Variants in PRODH2 observed in about 807,000 individuals in gnomAD.
The protein encoded by PRODH2 is hydroxyproline dehydrogenase.
Under a neutral mutation model 51.9 loss-of-function variants are expected in PRODH2, and 49 were observed. The observed-to-expected ratio is 0.94, with a 90% CI of 0.75 to 1.20. The LOEUF is 1.20. Ranked by LOEUF, PRODH2 falls within the 50% of genes most tolerant of loss-of-function variation. The pLI is 0.00. For synonymous variants in PRODH2, 249 were observed against 260.7 expected (o/e 0.96, Z 0.43); for missense variants, 597 against 610.9 (o/e 0.98, Z 0.24).
At position 35,802,280 on chromosome 19, in the gene PRODH2, C is replaced by G. The variant is rs764406447; in HGVS notation, c.1113-4G>C. On this transcript the variant is annotated splice_polypyrimidine_tract_variant and splice_region_variant and intron_variant, in intron 8 of 9. Transcript: ENST00000653904. ...AGGAATGCCCAGCTCCCACATGCTACAGAAAAGGCCACATCATCAGTCCAG... is the reference window on the plus strand; with the variant it reads ...AGGAATGCCCAGCTCCCACATGCTAGAGAAAAGGCCACATCATCAGTCCAG... 4 of 1,614,068 alleles carry G rather than the reference C, an allele frequency of 2.5e-6. No homozygotes were observed. The Admixed American group carries it at 5.0e-5, about 20-fold the overall frequency.
In PRODH2 at chr19:35,809,107, T is replaced by TCTTCCTTCCTTC. The variant is rs3030903; in HGVS notation, c.598-1998_598-1987dup. Among the ~76,000 whole-genome samples, 9 of 149,936 alleles carry TCTTCCTTCCTTC rather than the reference T, an allele frequency of 6.0e-5. No individual in the cohort carries two copies. The East Asian group carries it at 1.4e-3, about 23-fold the overall frequency. On this transcript the variant is annotated intron_variant, in intron 4 of 9. Coordinates refer to ENST00000653904, the MANE Select transcript of PRODH2 (RefSeq NM_021232.2). ...TTTTTTCTTTCTTTCTTTATTTCTT[T>TCTTCCTTCCTTC]CTTCCTTCCTTCCTTCCTTCCTTTC...
rs747577253 is a variant in PRODH2, at chr19:35,812,242, A to G, written c.402T>C (p.Ala134=). The G allele has an allele frequency of 5.0e-6, 8 of 1,613,738 alleles. No homozygotes were observed. The highest frequency in any genetic ancestry group is 6.8e-6 in the Non-Finnish European group (8 of 1,180,002). The change falls in exon 3 of 10, where the codon GCT becomes GCC. Residue 134 remains alanine (A), a synonymous_variant. Transcript: ENST00000653904. ...GTGACAGGTCCACACACCGCAGCAT[A>G]GCACCGAGGTTCCCCTCATACCACG... ...GEAWYEGNLG[A]MLRCVDLSRG... is the part of the protein sequence containing the mutation.
chr19:35,802,984 G>T lies in PRODH2; in HGVS notation c.1096C>A (p.Arg366Ser), dbSNP rs1161544650. 2 of 1,562,950 alleles carry T rather than the reference G, an allele frequency of 1.3e-6. No individual in the cohort carries two copies. The highest frequency in any genetic ancestry group is 8.7e-7 in the Non-Finnish European group (1 of 1,148,320). The change falls in exon 8 of 10, where the codon CGC (arginine) becomes AGC (serine). Residue 366 changes from arginine to serine, a missense_variant. Physicochemically the swap from Arg to Ser is moderately radical, Grantham distance 110. Transcript: ENST00000653904. ...ACCTCATACCGCTTGGTTGCCTGGCGAACAGATTCCTCATTGTGGGAAGCC... is the reference window on the plus strand; with the variant it reads ...ACCTCATACCGCTTGGTTGCCTGGCTAACAGATTCCTCATTGTGGGAAGCC... ...MVASHNEESV[R>S]QATKRMWELG...
In PRODH2 at chr19:35,812,563, G is replaced by T; in HGVS notation, c.175-7C>A. ...GCCGAGACCAGGCCTGGAGCTGGGTGACAGGGAGCGAGGGCTCAGCGCCAG... is the reference window on the plus strand; with the variant it reads ...GCCGAGACCAGGCCTGGAGCTGGGTTACAGGGAGCGAGGGCTCAGCGCCAG... On this transcript the variant is annotated splice_region_variant and splice_polypyrimidine_tract_variant and intron_variant, in intron 1 of 9. Transcript: ENST00000653904. 1 of 1,612,802 alleles carries T rather than the reference G, an allele frequency of 6.2e-7. No homozygotes were observed. The highest frequency in any genetic ancestry group is 8.5e-7 in the Non-Finnish European group (1 of 1,179,144).
chr19:35,802,801 C>T (rs2146779375), intron 8 of PRODH2, among the ~76,000 whole-genome samples, 167 bp downstream of exon 8: 1 of 151,992 alleles, frequency 6.6e-6, no homozygotes, highest in Non-Finnish European at 1.5e-5. Context: ...TCCACCTTCG[C>T]CTCCCAAAGT....
At chr19:35,800,370 TC>T in intron 9 of PRODH2, 148 bp from the exon 10 acceptor site, 1 of 720,292 alleles carries the variant, frequency 1.4e-6, no homozygotes, top group Non-Finnish European at 2.1e-6. Context: ...TGCCTCAGCC[TC>T]CAGAATGGCT....
intron 8 of PRODH2, 46 bp from the exon 9 acceptor site, chr19:35,802,322 C>T (rs1365509393): frequency 3.8e-6 from 6 of 1,574,126 alleles, no homozygotes; most frequent in Admixed American, 1.7e-5. Flanking sequence ...GCTGCATCTA[C>T]AGCTTAAAGT....
At chr19:35,810,523 ATTT>A (rs1217252603) in intron 4 of PRODH2, among the ~76,000 whole-genome samples, 4 of 138,010 alleles carry the variant, frequency 2.9e-5, no homozygotes, top group South Asian at 2.3e-4. Context: ...GGCAAGAAGA[ATTT>A]TTTTTTTTTT....
chr19:35,800,603 C>A (rs1972407076), intron 9 of PRODH2, among the ~76,000 whole-genome samples: 1 of 152,200 alleles, frequency 6.6e-6, no homozygotes, highest in Admixed American at 6.5e-5. Flanking sequence ...CAGTCCCCAC[C>A]TGGAACAGAG....
intron 7 of PRODH2, among the ~76,000 whole-genome samples, 167 bp from the exon 8 acceptor site, chr19:35,803,245 G>T (rs1568440776): frequency 6.6e-6 from 1 of 152,002 alleles, no homozygotes; most frequent in Non-Finnish European, 1.5e-5. Flanking sequence ...ATCTTCTGGG[G>T]TTTTTTGGGG....
At position 35,806,922 on chromosome 19, in the gene PRODH2, G is replaced by A. The variant is rs539457466; in HGVS notation, c.679-92C>T. 128 of 1,547,208 alleles carry A rather than the reference G, an allele frequency of 8.3e-5. 1 individual carries two copies. In the South Asian group the frequency reaches 9.0e-4, roughly 11 times the overall value. On this transcript the variant is annotated intron_variant, in intron 5 of 9. Transcript: ENST00000653904. Reference sequence around the variant, plus strand: ...GCAGGAGGGGTTACCTGTGCCACCCGATGCAGGCGGCTGAGGGAGGCCCGG... The same window carrying A: ...GCAGGAGGGGTTACCTGTGCCACCCAATGCAGGCGGCTGAGGGAGGCCCGG...
Position 35,812,280 on chromosome 19 carries a change from G to C in PRODH2, c.372-8C>G, listed in dbSNP as rs747412486. 1.9e-6 allele frequency: 3 copies of C among 1,613,050 alleles called. No individual in the cohort carries two copies. The highest frequency in any genetic ancestry group is 2.2e-5 in the South Asian group (2 of 91,028). ...CCCTCATACCACGCCTCACTGCCCA[G>C]CCAGCAGGTGTCAGGGCCCGAACAG... is the stretch of plus-strand genomic sequence containing the variant. On this transcript the variant is annotated splice_polypyrimidine_tract_variant and splice_region_variant and intron_variant, in intron 2 of 9. Transcript: ENST00000653904.
At chr19:35,800,562 G>A (rs117083045) in intron 9 of PRODH2, among the ~76,000 whole-genome samples, 1,568 of 152,256 alleles carry the variant, frequency 0.01, 11 homozygotes, top group Middle Eastern at 0.034. Flanking sequence ...AGTGTTGACA[G>A]GGTATGGGCT....
intron 4 of PRODH2, among the ~76,000 whole-genome samples, chr19:35,808,162 T>G (rs181495035): frequency 4.4e-4 from 67 of 152,338 alleles, no homozygotes; most frequent in Non-Finnish European, 8.4e-4. Flanking sequence ...TGGAACAAGA[T>G]AGATGTTCAG....
intron 4 of PRODH2, among the ~76,000 whole-genome samples, chr19:35,809,969 A>AAACAAAAC (rs1972578842): frequency 8.2e-6 from 1 of 122,152 alleles, no homozygotes; most frequent in Admixed American, 8.5e-5. Flanking sequence ...AAAAAAAAAA[A>AAACAAAAC]AAAAAAAAAA....
rs202215635 is a variant in PRODH2 at position 35,812,522 on chromosome 19, C to G, written c.209G>C (p.Arg70Pro). The G allele has an allele frequency of 1.2e-6, 2 of 1,614,148 alleles. No homozygotes were observed. Among genetic ancestry groups the G allele is most frequent in the East Asian group, 2.2e-5 (1 of 44,888 alleles). ...QAWSRRLLGS[R>P]LSGAFLRASV... ...TGCTCGGAGAAATGCGCCTGAGAGC[C>G]GGGAGCCCAGGAGTCGCCGAGACCA... is the stretch of plus-strand genomic sequence containing the variant. Residue 70 changes from arginine to proline, a missense_variant, in exon 2 of 10, where the codon CGG becomes CCG. By Grantham distance (103) the Arg-to-Pro change is moderately radical. Transcript: ENST00000653904.
chr19:35,802,249 A>C lies in PRODH2; in HGVS notation c.1140T>G (p.Asp380Glu). The change falls in exon 9 of 10, where the codon GAT (aspartate) becomes GAG (glutamate). Residue 380 changes from aspartate (D) to glutamate (E), a missense_variant. Coordinates refer to ENST00000653904, the MANE Select transcript of PRODH2 (RefSeq NM_021232.2). ...GAAGTTGTCCGAAACAGACAGTCCC[A>C]TCCAGAGGAATGCCCAGCTCCCACA... ...KRMWELGIPL[D>E]GTVCFGQLLG... is the part of the protein sequence containing the mutation. 6.2e-7 allele frequency: 1 copy of C among 1,614,164 alleles called. No individual in the cohort carries two copies. Among genetic ancestry groups the C allele is most frequent in the Non-Finnish European group, 8.5e-7 (1 of 1,180,036 alleles).
intron 9 of PRODH2, 35 bp from the exon 10 acceptor site, chr19:35,800,257 G>A: frequency 6.7e-7 from 1 of 1,501,602 alleles, no homozygotes; most frequent in Non-Finnish European, 8.9e-7. Context: ...TTTCGTTTTT[G>A]GTGTTTTTCT....
intron 4 of PRODH2, 93 bp downstream of exon 4, chr19:35,811,869 G>A (rs1972615742): frequency 8.0e-7 from 1 of 1,245,250 alleles, no homozygotes; most frequent in Non-Finnish European, 1.1e-6. Context: ...CAAGCCTGGA[G>A]GTGGCCGTAG....
Sources: allele counts gnomAD v4.1 joint callset (sites outside exome capture counted in the v4.1 genomes callset), GRCh38; gene constraint gnomAD v4.1.1; transcripts MANE v1.5; gene names NCBI Gene and HGNC (gene_info 2026-07-23, HGNC 2026-07-21).